The following CATSPERB variants were observed in gnomAD, a reference collection of about 807,000 sequenced individuals.
CATSPERB encodes the protein catsper channel auxiliary subunit beta.
CATSPERB carries 93 observed loss-of-function variants against 128.3 expected under a neutral mutation model. That is an observed-to-expected ratio of 0.72 (90% CI 0.61 to 0.86). The LOEUF is 0.86. CATSPERB is among the 40% of genes least tolerant of loss of function. The pLI, the probability that CATSPERB is intolerant of heterozygous loss-of-function variation, is 0.00. For missense variants in CATSPERB, 1,153 were observed against 1,329.5 expected, an observed-to-expected ratio of 0.87 and a Z score of 2.06; for synonymous variants, 381 against 448.8, an observed-to-expected ratio of 0.85 and a Z score of 1.91.
intron 15 of CATSPERB, among the ~76,000 whole-genome samples, chr14:91,652,292 A>G (rs1625541): frequency 0.78 from 119,215 of 151,980 alleles, 46,971 homozygotes; most frequent in East Asian, 0.92. Flanking sequence ...AAAAGAATTT[A>G]CAAAAAAGGA....
intron 22 of CATSPERB, among the ~76,000 whole-genome samples, chr14:91,597,914 T>C (rs1212366416): frequency 6.6e-6 from 1 of 152,066 alleles, no homozygotes; most frequent in Non-Finnish European, 1.5e-5. Flanking sequence ...ATTAAAACAT[T>C]TTTTATCTCA....
chr14:91,702,865 T>A (rs1376618469), intron 7 of CATSPERB, among the ~76,000 whole-genome samples: 1 of 152,036 alleles, frequency 6.6e-6, no homozygotes, highest in African/African-American at 2.4e-5. Flanking sequence ...GGTCTTTTTT[T>A]ATGACCTTCA....
At chr14:91,640,890 A>G (rs1237610310) in intron 15 of CATSPERB, among the ~76,000 whole-genome samples, 1 of 151,660 alleles carries the variant, frequency 6.6e-6, no homozygotes, top group South Asian at 2.1e-4. Flanking sequence ...ATTTCTCCAC[A>G]TCCTCTCCAG....
At position 91,587,349 on chromosome 14, in the gene CATSPERB, C is replaced by A. The variant is rs556885554; in HGVS notation, c.3058-73G>T. Reference sequence around the variant, plus strand: ...TCCTTTAAGTATTAATAAAAATATACCCTGGGGCCACTGTCCCTATAGATG... The same window carrying A: ...TCCTTTAAGTATTAATAAAAATATAACCTGGGGCCACTGTCCCTATAGATG... On this transcript the variant is annotated intron_variant, in intron 25 of 26. Coordinates refer to ENST00000256343, the MANE Select transcript of CATSPERB (RefSeq NM_024764.4). 713 of 1,103,808 alleles carry A rather than the reference C, an allele frequency of 6.5e-4. 1 individual carries two copies. Among genetic ancestry groups the A allele is most frequent in the Non-Finnish European group, 8.5e-4 (656 of 771,656 alleles). 68.4% of individuals were successfully genotyped at this position (1,103,808 alleles called of 1,614,324 possible). A position where few individuals can be genotyped will look rare whatever the true frequency, so the allele number is the denominator to read the frequency against.
intron 5 of CATSPERB, among the ~76,000 whole-genome samples, chr14:91,714,293 G>GAAAAAAAAAAAA (rs1389596375): frequency 4.1e-5 from 3 of 74,004 alleles, no homozygotes; most frequent in African/African-American, 1.4e-4. Flanking sequence ...AAAAAAAAAA[G>GAAAAAAAAAAAA]AAAAAAAGAA....
chr14:91,659,694 C>A, intron 15 of CATSPERB, 143 bp downstream of exon 15: 1 of 708,832 alleles, frequency 1.4e-6, no homozygotes. Flanking sequence ...TCCATAGGAT[C>A]CTACTTCTGT....
At chr14:91,668,172 A>C (rs534031389) in intron 14 of CATSPERB, among the ~76,000 whole-genome samples, 67 of 152,152 alleles carry the variant, frequency 4.4e-4, no homozygotes, top group Non-Finnish European at 6.9e-4. Context: ...TTTAGAGGGG[A>C]GATTGAGAGG....
At position 91,704,702 on chromosome 14, in the gene CATSPERB, C is replaced by G; in HGVS notation, c.467-1G>C. On this transcript the variant is annotated splice_acceptor_variant, in intron 6 of 26. Transcript: ENST00000256343. LOFTEE classifies it high-confidence loss of function. ...CCAGGAGTCCACTGAAGAATCGGTT[C>G]TGTGGAAATCAAATTTGGGTGTTTA... is the stretch of plus-strand genomic sequence containing the variant. 6.2e-7 allele frequency: 1 copy of G among 1,609,418 alleles called. No individual in the cohort carries two copies. Among genetic ancestry groups the G allele is most frequent in the Non-Finnish European group, 8.5e-7 (1 of 1,178,326 alleles).
rs34458723 is a variant in CATSPERB, at chr14:91,695,129, A to ATT, written c.617-1652_617-1651dup. Among the ~76,000 whole-genome samples, 536 of 133,520 alleles carry ATT rather than the reference A, an allele frequency of 4.0e-3. 5 individuals are homozygous for ATT. The highest frequency in any genetic ancestry group is 0.011 in the African/African-American group (407 of 35,850). The allele number at this position is 133,520 out of a possible 152,430, so 87.6% of individuals were successfully genotyped here. A position where few individuals can be genotyped will look rare whatever the true frequency, so the allele number is the denominator to read the frequency against. On this transcript the variant is annotated intron_variant, in intron 7 of 26. Coordinates refer to ENST00000256343, the MANE Select transcript of CATSPERB (RefSeq NM_024764.4). ...TTTAGTTTTACAGATAATGGTGGGA[A>ATT]TTTTTTTTTTTTTTTTTTTTGATAG...
intron 13 of CATSPERB, 24 bp downstream of exon 13, chr14:91,672,843 T>C (rs901337610): frequency 4.0e-6 from 6 of 1,498,358 alleles, no homozygotes; most frequent in Non-Finnish European, 4.4e-6. Flanking sequence ...TCAAGATAAA[T>C]TCCCTCTGGG....
At chr14:91,667,026 T>C (rs1894996360) in intron 14 of CATSPERB, among the ~76,000 whole-genome samples, 1 of 152,238 alleles carries the variant, frequency 6.6e-6, no homozygotes, top group Admixed American at 6.5e-5. Flanking sequence ...GTAACTGTAC[T>C]TGAAAGTAAG....
rs1371917470 is a variant in CATSPERB, at chr14:91,732,080, A to C, written c.-151T>G. On this transcript the variant is annotated 5_prime_UTR_variant, in exon 1 of 27. It adds an upstream start codon to the 5' untranslated region. Coordinates refer to ENST00000256343, the MANE Select transcript of CATSPERB (RefSeq NM_024764.4). ...ACTCTAGTCACCTTTGGTAACAGCC[A>C]ATCAGCAGCTACCAAGTACAGAAGC... The C allele has an allele frequency of 6.6e-6, 1 of 152,626 alleles. No homozygotes were observed. The highest frequency in any genetic ancestry group is 1.5e-5 in the Non-Finnish European group (1 of 68,034). 9.5% of individuals were successfully genotyped at this position (152,626 alleles called of 1,614,324 possible).
In CATSPERB at chr14:91,621,713, T is replaced by G. The variant is rs1894046528; in HGVS notation, c.2155A>C (p.Asn719His). 1 of 1,613,548 alleles carries G rather than the reference T, an allele frequency of 6.2e-7. No individual in the cohort carries two copies. The highest frequency in any genetic ancestry group is 1.3e-5 in the African/African-American group (1 of 74,944). ...RTWKIYSKPC[N>H]YWFQHDDSPS... ...GAATCATCATGTTGAAACCAATAAT[T>G]ACATGGTTTTGAATATATTTTCCAT... is the stretch of plus-strand genomic sequence containing the variant. The change falls in exon 19 of 27, where the codon AAT becomes CAT. Residue 719 changes from asparagine to histidine, a missense_variant. Coordinates refer to ENST00000256343, the MANE Select transcript of CATSPERB (RefSeq NM_024764.4).
Position 91,636,448 on chromosome 14 carries a change from G to A in CATSPERB, c.1719C>T (p.His573=), listed in dbSNP as rs775730025. 1 of 1,614,022 alleles carries A rather than the reference G, an allele frequency of 6.2e-7. No homozygotes were observed. The highest frequency in any genetic ancestry group is 1.1e-5 in the South Asian group (1 of 91,068). The change falls in exon 17 of 27, where the codon CAC becomes CAT. Residue 573 remains histidine, a synonymous_variant. Transcript: ENST00000256343. The stretch of plus-strand genomic sequence containing the variant: ...ACCCAGAGTGTATCACTTTTCCATA[G>A]TGTATATTGCCGAACTTCTTGCTGT... ...TIYSKKFGNI[H]YGKVIHSGKT...
At chr14:91,695,679 A>T (rs1456686130) in intron 7 of CATSPERB, among the ~76,000 whole-genome samples, 1 of 152,154 alleles carries the variant, frequency 6.6e-6, no homozygotes, top group Non-Finnish European at 1.5e-5. Context: ...AAGCCACAGG[A>T]GTGTTGGAAG....
rs1566721596 is a variant in CATSPERB at position 91,659,946 on chromosome 14, T to C, written c.1323A>G (p.Gln441=). 1 of 1,598,620 alleles carries C rather than the reference T, an allele frequency of 6.3e-7. No individual in the cohort carries two copies. Among genetic ancestry groups the C allele is most frequent in the Admixed American group, 1.8e-5 (1 of 56,224 alleles). ...TATCATCATGAAAGTTAGCTATTAA[T>C]TGAAAGGTGTTGCCGCCATCAACTG... The part of the protein sequence containing the change: ...WLSVDGGNTF[Q]LIANFHDDII... The change falls in exon 15 of 27, where the codon CAA becomes CAG. Residue 441 remains glutamine (Q), a synonymous_variant. Coordinates refer to ENST00000256343, the MANE Select transcript of CATSPERB (RefSeq NM_024764.4).
rs111997214 is a variant in CATSPERB at position 91,667,057 on chromosome 14, C to T, written c.1287+2757G>A. ...GTAAGCCTCTTCCCCCAGGGGCCAG[C>T]GCCCAGTTAGCAGAACTAGTGGCAC... On this transcript the variant is annotated intron_variant, in intron 14 of 26. Transcript: ENST00000256343. 1.6e-4 allele frequency among the ~76,000 whole-genome samples: 25 copies of T among 152,310 alleles called. No homozygotes were observed. In the East Asian group the frequency reaches 4.0e-3, roughly 25 times the overall value.
intron 22 of CATSPERB, among the ~76,000 whole-genome samples, chr14:91,597,125 C>T (rs965666387): frequency 1.2e-4 from 18 of 151,718 alleles, no homozygotes; most frequent in African/African-American, 4.1e-4. Context: ...GATCTGACCT[C>T]GTGATCTGCC....
intron 26 of CATSPERB, 82 bp from the exon 27 acceptor site, chr14:91,581,189 A>G (rs1215691517): frequency 1.8e-6 from 2 of 1,140,986 alleles, no homozygotes; most frequent in Non-Finnish European, 2.5e-6. Flanking sequence ...CCCACAATTA[A>G]TCGGAGAGCA....
Sources: allele counts gnomAD v4.1 joint callset (sites outside exome capture counted in the v4.1 genomes callset), GRCh38; gene constraint gnomAD v4.1.1; transcripts MANE v1.5; gene names NCBI Gene and HGNC (gene_info 2026-07-23, HGNC 2026-07-21).